Variants in GNPNAT1 observed in about 807,000 individuals in gnomAD.
The protein encoded by GNPNAT1 is glucosamine 6-phosphate N-acetyltransferase.
In GNPNAT1, 11 loss-of-function variants were observed where a neutral mutation model predicts 19.8. The observed-to-expected ratio is 0.56, with a 90% CI of 0.35 to 0.92. The LOEUF (loss-of-function observed/expected upper bound fraction) is 0.92. Ranked by LOEUF, GNPNAT1 falls within the 40% of genes least tolerant of loss-of-function variation. The pLI, the probability that GNPNAT1 is intolerant of heterozygous loss-of-function variation, is 0.01. For missense variants in GNPNAT1, 157 were observed against 211.0 expected, an observed-to-expected ratio of 0.74 and a Z score of 1.59; for synonymous variants, 71 against 72.3, an observed-to-expected ratio of 0.98 and a Z score of 0.09.
chr14:52,778,229 G>A lies in GNPNAT1; in HGVS notation c.*82C>T, dbSNP rs1882785622. The A allele has an allele frequency of 3.7e-6, 4 of 1,070,244 alleles. No homozygotes were observed. The highest frequency in any genetic ancestry group is 5.3e-6 in the Non-Finnish European group (4 of 751,376). The allele number at this position is 1,070,244 out of a possible 1,614,324, so 66.3% of individuals were successfully genotyped here. A position where few individuals can be genotyped will look rare whatever the true frequency, so the allele number is the denominator to read the frequency against. On this transcript the variant is annotated 3_prime_UTR_variant, in exon 6 of 6. Coordinates refer to ENST00000216410, the MANE Select transcript of GNPNAT1 (RefSeq NM_198066.4). ...GTCCAGTATTTATGGAGGTCACTCG[G>A]CTGCAGCAACAAAATATTTCAACTC...
chr14:52,781,993 T>C (rs186176829), intron 3 of GNPNAT1, 82 bp from the exon 4 acceptor site: 19 of 1,228,288 alleles, frequency 1.5e-5, no homozygotes, highest in Middle Eastern at 2.6e-4. Flanking sequence ...ATTAGCTGAC[T>C]TAATTACTAA....
chr14:52,779,811 A>G (rs1464253595), intron 5 of GNPNAT1, among the ~76,000 whole-genome samples: 1 of 151,756 alleles, frequency 6.6e-6, no homozygotes, highest in East Asian at 1.9e-4. Context: ...AGGTATTCCA[A>G]ATACCTAGAA....
Position 52,775,380 on chromosome 14 carries a change from A to G in GNPNAT1, c.*2931T>C, listed in dbSNP as rs936144283. The G allele has an allele frequency of 1.3e-5, 2 of 152,188 alleles. No homozygotes were observed. Among genetic ancestry groups the G allele is most frequent in the Non-Finnish European group, 2.9e-5 (2 of 68,034 alleles). 9.4% of individuals were successfully genotyped at this position (152,188 alleles called of 1,614,324 possible). A position where few individuals can be genotyped will look rare whatever the true frequency, so the allele number is the denominator to read the frequency against. ...TAGGCCTACCTGCATACTGTGCTTCATCAAATCTAAGATCACCTCACAACT... is the reference window on the plus strand; with the variant it reads ...TAGGCCTACCTGCATACTGTGCTTCGTCAAATCTAAGATCACCTCACAACT... On this transcript the variant is annotated 3_prime_UTR_variant, in exon 6 of 6. Transcript: ENST00000216410.
chr14:52,782,061 C>T (rs1882906061), intron 3 of GNPNAT1, 150 bp from the exon 4 acceptor site: 1 of 626,252 alleles, frequency 1.6e-6, no homozygotes, highest in Non-Finnish European at 2.6e-6. Flanking sequence ...AAAATATTAC[C>T]AAGTAGTTGA....
chr14:52,783,308 T>C, intron 3 of GNPNAT1, 115 bp downstream of exon 3: 2 of 657,196 alleles, frequency 3.0e-6, no homozygotes, highest in Non-Finnish European at 5.3e-6. Flanking sequence ...GCTAATTTGT[T>C]CTTTGAATAA....
rs116434916 is a variant in GNPNAT1, at chr14:52,778,855, A to C, written c.408-397T>G. On this transcript the variant is annotated intron_variant, in intron 5 of 5. Coordinates refer to ENST00000216410, the MANE Select transcript of GNPNAT1 (RefSeq NM_198066.4). ...AACACGGCAAAACCCCATCTCTACAAAATATAAAAATTAGTAGGGCATGAT... is the reference window on the plus strand; with the variant it reads ...AACACGGCAAAACCCCATCTCTACACAATATAAAAATTAGTAGGGCATGAT... Among the ~76,000 whole-genome samples, 642 of 152,168 alleles carry C rather than the reference A, an allele frequency of 4.2e-3. 5 individuals are homozygous for C. The highest frequency in any genetic ancestry group is 0.015 in the African/African-American group (605 of 41,526).
chr14:52,781,873 CATA>C lies in GNPNAT1; in HGVS notation c.253_255del (p.Tyr85del). Reference sequence around the variant, plus strand: ...AGAGTCACATCTTCTACAACTGTAACATAATAATCCCCAGATTTCTTCATATGC... The same window carrying C: ...AGAGTCACATCTTCTACAACTGTAACATAATCCCCAGATTTCTTCATATGC... On this transcript the variant is annotated inframe_deletion, in exon 4 of 6. Coordinates refer to ENST00000216410, the MANE Select transcript of GNPNAT1 (RefSeq NM_198066.4). 1.2e-6 allele frequency: 2 copies of C among 1,608,564 alleles called. No individual in the cohort carries two copies. The highest frequency in any genetic ancestry group is 1.7e-6 in the Non-Finnish European group (2 of 1,177,778).
chr14:52,780,698 C>T lies in GNPNAT1; in HGVS notation c.388G>A (p.Gly130Arg). 2 of 1,607,696 alleles carry T rather than the reference C, an allele frequency of 1.2e-6. No individual in the cohort carries two copies. The highest frequency in any genetic ancestry group is 1.7e-6 in the Non-Finnish European group (2 of 1,174,736). Residue 130 changes from glycine (G) to arginine (R), a missense_variant, in exon 5 of 6, where the codon GGA becomes AGA. Coordinates refer to ENST00000216410, the MANE Select transcript of GNPNAT1 (RefSeq NM_198066.4). ...EDVVVSDECR[G>R]KQLGKLLLST... is the part of the protein sequence containing the mutation. ...ACTTACAATTTGCCAAGCTGCTTTC[C>T]TCTGCATTCATCACTAACAACAACA...
chr14:52,780,172 T>G (rs1303667474), intron 5 of GNPNAT1, among the ~76,000 whole-genome samples: 1 of 152,108 alleles, frequency 6.6e-6, no homozygotes, highest in Non-Finnish European at 1.5e-5. Context: ...AGACCCTGTC[T>G]CAAAAACTAA....
chr14:52,781,356 T>A (rs1231088583), intron 4 of GNPNAT1, among the ~76,000 whole-genome samples: 3 of 152,160 alleles, frequency 2.0e-5, no homozygotes, highest in Non-Finnish European at 4.4e-5. Context: ...AATTAAGGTT[T>A]TCTCTCCCTC....
chr14:52,789,588 G>GC (rs1049056518), intron 1 of GNPNAT1, among the ~76,000 whole-genome samples: 5 of 152,088 alleles, frequency 3.3e-5, no homozygotes. Flanking sequence ...GTAAAATTCT[G>GC]CTGGTGCCCA....
At chr14:52,790,032 C>T (rs933908412) in intron 1 of GNPNAT1, among the ~76,000 whole-genome samples, 17 of 149,950 alleles carry the variant, frequency 1.1e-4, no homozygotes, top group African/African-American at 4.2e-4. Flanking sequence ...CACAATATCG[C>T]GGAAAGCATA....
chr14:52,779,625 C>T (rs1882832180), intron 5 of GNPNAT1, among the ~76,000 whole-genome samples: 1 of 140,024 alleles, frequency 7.1e-6, no homozygotes, highest in African/African-American at 2.6e-5. Flanking sequence ...GAGGCTGAGG[C>T]GAGAGGCTCA....
rs770821212 is a variant in GNPNAT1 at position 52,781,899 on chromosome 14, T to G, written c.230A>C (p.His77Pro). Residue 77 changes from histidine to proline, a missense_variant, in exon 4 of 6, where the codon CAT becomes CCT. Coordinates refer to ENST00000216410, the MANE Select transcript of GNPNAT1 (RefSeq NM_198066.4). Reference sequence around the variant, plus strand: ...ATAATAATCCCCAGATTTCTTCATATGCTCAAAAGATTCTGTGGAAATTGG... The same window carrying G: ...ATAATAATCCCCAGATTTCTTCATAGGCTCAAAAGATTCTGTGGAAATTGG... ...SPEQFMKSFE[H>P]MKKSGDYYVT... 1.9e-6 allele frequency: 3 copies of G among 1,606,594 alleles called. No individual in the cohort carries two copies. Among genetic ancestry groups the G allele is most frequent in the Non-Finnish European group, 2.5e-6 (3 of 1,177,450 alleles).
intron 5 of GNPNAT1, among the ~76,000 whole-genome samples, chr14:52,779,739 A>C (rs1311674014): frequency 6.7e-6 from 1 of 150,324 alleles, no homozygotes; most frequent in African/African-American, 2.5e-5. Flanking sequence ...AAAAAAAAAA[A>C]AAAAAAAAAA....
At position 52,791,164 on chromosome 14, in the gene GNPNAT1, G is replaced by C. The variant is rs1388928245; in HGVS notation, c.-15+264C>G. On this transcript the variant is annotated intron_variant, in intron 1 of 5. Coordinates refer to ENST00000216410, the MANE Select transcript of GNPNAT1 (RefSeq NM_198066.4). The surrounding 1 kb of genome is among the most constrained non-coding windows in gnomAD (Gnocchi z 4.1). ...CCCAGTCCCAGTTCCAGCCCTGCCA[G>C]GCCAAGACCAGCGTATGGCCGGACC... Among the ~76,000 whole-genome samples, 2 of 152,172 alleles carry C rather than the reference G, an allele frequency of 1.3e-5. No individual in the cohort carries two copies. Among genetic ancestry groups the C allele is most frequent in the African/African-American group, 2.4e-5 (1 of 41,442 alleles).
intron 3 of GNPNAT1, among the ~76,000 whole-genome samples, chr14:52,782,770 C>T (rs141555143): frequency 8.0e-4 from 122 of 152,056 alleles, no homozygotes; most frequent in African/African-American, 2.7e-3. Context: ...ATACAAAATT[C>T]CCTATTATAA....
intron 1 of GNPNAT1, among the ~76,000 whole-genome samples, chr14:52,785,785 T>C (rs908718197): frequency 4.0e-4 from 60 of 150,626 alleles, no homozygotes; most frequent in Non-Finnish European, 6.2e-4. Context: ...TTCGCTCTTA[T>C]TGCCCAGGCT....
Position 52,776,167 on chromosome 14 carries a change from C to CT in GNPNAT1, c.*2143dup, listed in dbSNP as rs1342143671. ...AGCCTGGGCAACAGCGAGACCTTGT[C>CT]TCAACAACAACAACAACAAAAGGCT... On this transcript the variant is annotated 3_prime_UTR_variant, in exon 6 of 6. Coordinates refer to ENST00000216410, the MANE Select transcript of GNPNAT1 (RefSeq NM_198066.4). The CT allele has an allele frequency of 6.6e-6, 1 of 152,250 alleles. No homozygotes were observed. The highest frequency in any genetic ancestry group is 2.4e-5 in the African/African-American group (1 of 41,358). The allele number at this position is 152,250 out of a possible 1,614,324, so 9.4% of individuals were successfully genotyped here. A position where few individuals can be genotyped will look rare whatever the true frequency, so the allele number is the denominator to read the frequency against.
Sources: allele counts gnomAD v4.1 joint callset (sites outside exome capture counted in the v4.1 genomes callset), GRCh38; gene constraint gnomAD v4.1.1; non-coding constraint Gnocchi (gnomAD v3.1); transcripts MANE v1.5; gene names NCBI Gene and HGNC (gene_info 2026-07-23, HGNC 2026-07-21).